ABCC5: variants seen among roughly 807,000 people sequenced by gnomAD.
ABCC5 encodes the protein ATP-binding cassette sub-family C member 5.
Under a neutral mutation model 160.9 loss-of-function variants are expected in ABCC5, and 61 were observed. That is an observed-to-expected ratio of 0.38 (90% CI 0.31 to 0.47). The LOEUF is 0.47. Ranked by LOEUF, ABCC5 falls within the 20% of genes least tolerant of loss-of-function variation. The probability of loss-of-function intolerance (pLI) is 0.99; values close to 1 mark genes in which losing one functional copy is unlikely to be tolerated. For missense variants in ABCC5, 1,308 were observed against 1,813.3 expected (o/e 0.72, Z 5.06); for synonymous variants, 666 against 700.6 (o/e 0.95, Z 0.78).
At chr3:183,941,220 C>T (rs1714309930) in intron 25 of ABCC5, among the ~76,000 whole-genome samples, 1 of 152,130 alleles carries the variant, frequency 6.6e-6, no homozygotes, top group African/African-American at 2.4e-5. Context: ...AGTTGTGGTG[C>T]TTGTTTTGGC....
At chr3:183,959,654 C>T (rs1404098868) in intron 17 of ABCC5, 79 bp downstream of exon 17, 4 of 1,084,430 alleles carry the variant, frequency 3.7e-6, no homozygotes, top group East Asian at 2.4e-5. Context: ...TGCTATCAAA[C>T]ATCATGAATT....
chr3:183,943,634 G>A (rs1714569365), intron 24 of ABCC5, among the ~76,000 whole-genome samples: 2 of 152,102 alleles, frequency 1.3e-5, no homozygotes, highest in African/African-American at 2.4e-5. Context: ...CCTTATGGGG[G>A]GAAGTAAGGG....
chr3:183,944,230 C>T (rs912688342), intron 24 of ABCC5, among the ~76,000 whole-genome samples: 3 of 151,878 alleles, frequency 2.0e-5, no homozygotes, highest in African/African-American at 7.3e-5. Context: ...CCTATCTCTA[C>T]AAAAAATACA....
rs540360588 is a variant in ABCC5 at position 183,957,560 on chromosome 3, G to A, written c.2482+2173C>T. ...CATCACATCAGTTACATGCGGATCC[G>A]TGTGTACATCACATCGGTTACATGC... On this transcript the variant is annotated intron_variant, in intron 17 of 29. Coordinates refer to ENST00000334444, the MANE Select transcript of ABCC5 (RefSeq NM_005688.4). Among the ~76,000 whole-genome samples the A allele has an allele frequency of 9.1e-4, 137 of 151,330 alleles. 1 individual carries two copies. The highest frequency in any genetic ancestry group is 2.5e-4 in the Non-Finnish European group (17 of 67,788).
At chr3:183,931,340 T>G (rs1349305327) in intron 26 of ABCC5, among the ~76,000 whole-genome samples, 4 of 151,436 alleles carry the variant, frequency 2.6e-5, no homozygotes, top group Admixed American at 2.6e-4. Flanking sequence ...TTTTTTTTTT[T>G]TTTTGAGACA....
intron 20 of ABCC5, among the ~76,000 whole-genome samples, chr3:183,950,964 A>G (rs1715287851): frequency 6.6e-6 from 1 of 152,212 alleles, no homozygotes; most frequent in African/African-American, 2.4e-5. Flanking sequence ...TCATTATTCA[A>G]GGAGTGAAAC....
Position 183,988,491 on chromosome 3 carries a change from C to CA in ABCC5, c.443+80dup. The CA allele has an allele frequency of 6.6e-7, 1 of 1,512,942 alleles. No individual in the cohort carries two copies. The highest frequency in any genetic ancestry group is 8.8e-7 in the Non-Finnish European group (1 of 1,131,242). The allele number at this position is 1,512,942 out of a possible 1,614,324, so 93.7% of individuals were successfully genotyped here. ...TGGACAGCTCGGCTCTTTAAAGACACAGAGCTGTGGACTTCACACTCCTAG... is the reference window on the plus strand; with the variant it reads ...TGGACAGCTCGGCTCTTTAAAGACACAAGAGCTGTGGACTTCACACTCCTAG... On this transcript the variant is annotated intron_variant, in intron 4 of 29. Transcript: ENST00000334444. The surrounding 1 kb of genome is among the most constrained non-coding windows in gnomAD (Gnocchi z 4.4).
At chr3:183,944,807 A>G (rs1301303849) in intron 24 of ABCC5, among the ~76,000 whole-genome samples, 2 of 152,154 alleles carry the variant, frequency 1.3e-5, no homozygotes, top group African/African-American at 2.4e-5. Context: ...TCTTCTTCCA[A>G]TGTGGCCCTG....
At chr3:183,936,699 G>A (rs1235120917) in intron 26 of ABCC5, among the ~76,000 whole-genome samples, 3 of 152,102 alleles carry the variant, frequency 2.0e-5, no homozygotes, top group Non-Finnish European at 2.9e-5. Flanking sequence ...TAGTAGAGAC[G>A]GGGTTTCACC....
chr3:183,955,809 T>G (rs1345924617), intron 17 of ABCC5, among the ~76,000 whole-genome samples: 2 of 143,288 alleles, frequency 1.4e-5, no homozygotes, highest in Non-Finnish European at 3.1e-5. Context: ...CATGTGTATA[T>G]CACATCAGTT....
chr3:183,959,920 T>C, intron 16 of ABCC5, 85 bp from the exon 17 acceptor site: 1 of 922,360 alleles, frequency 1.1e-6, no homozygotes, highest in South Asian at 1.7e-5. Context: ...GAATCATCAA[T>C]TAAACTGCTA....
intron 17 of ABCC5, among the ~76,000 whole-genome samples, chr3:183,956,023 C>T (rs1364389227): frequency 7.1e-6 from 1 of 141,756 alleles, no homozygotes; most frequent in Admixed American, 7.3e-5. Context: ...CATGTTCATC[C>T]ATGTGTATAT....
rs536563242 is a variant in ABCC5, at chr3:183,956,902, T to A, written c.2482+2831A>T. ...CATGCAGATCCGTGTGTATATCATATAGGTTACATGCAGATCCGTGTGTAA... is the reference window on the plus strand; with the variant it reads ...CATGCAGATCCGTGTGTATATCATAAAGGTTACATGCAGATCCGTGTGTAA... On this transcript the variant is annotated intron_variant, in intron 17 of 29. Transcript: ENST00000334444. 2.2e-3 allele frequency among the ~76,000 whole-genome samples: 274 copies of A among 123,112 alleles called. 4 individuals carry two copies. The highest frequency in any genetic ancestry group is 8.2e-3 in the African/African-American group (249 of 30,212). The allele number at this position is 123,112 out of a possible 152,430, so 80.8% of individuals were successfully genotyped here. A position where few individuals can be genotyped will look rare whatever the true frequency, so the allele number is the denominator to read the frequency against.
In ABCC5 at chr3:183,943,227, G is replaced by A. The variant is rs373199561; in HGVS notation, c.3505-311C>T. 1.4e-4 allele frequency among the ~76,000 whole-genome samples: 22 copies of A among 152,218 alleles called. No individual in the cohort carries two copies. The East Asian group carries it at 2.5e-3, about 17-fold the overall frequency. On this transcript the variant is annotated intron_variant, in intron 24 of 29. Transcript: ENST00000334444. ...TTGGGGGCCAAAGGAAAACCAACAC[G>A]GGCAGACATGAGGCCTTCCACCCCT...
intron 16 of ABCC5, among the ~76,000 whole-genome samples, chr3:183,961,017 G>A (rs1577536742): frequency 2.0e-5 from 3 of 152,180 alleles, no homozygotes; most frequent in East Asian, 3.9e-4. Flanking sequence ...TCGAATTCCT[G>A]GGCGCAAGCA....
In ABCC5 at chr3:184,017,862, C is replaced by T. The variant is rs1722322313; in HGVS notation, c.-88G>A. On this transcript the variant is annotated 5_prime_UTR_variant, in exon 1 of 30. Transcript: ENST00000334444. The surrounding 1 kb of genome is among the most constrained non-coding windows in gnomAD (Gnocchi z 4.5). ...CCTGCTCCAGGACAACCGCGCCAGC[C>T]GCTCAACCACGCTCCCGAGCATGAG... is the stretch of plus-strand genomic sequence containing the variant. The T allele has an allele frequency of 6.6e-6, 1 of 152,582 alleles. No homozygotes were observed. Among genetic ancestry groups the T allele is most frequent in the African/African-American group, 2.4e-5 (1 of 41,496 alleles). 9.5% of individuals were successfully genotyped at this position (152,582 alleles called of 1,614,324 possible). A position where few individuals can be genotyped will look rare whatever the true frequency, so the allele number is the denominator to read the frequency against.
chr3:183,924,972 A>G (rs1335837132), intron 29 of ABCC5, among the ~76,000 whole-genome samples: 1 of 152,230 alleles, frequency 6.6e-6, no homozygotes, highest in Non-Finnish European at 1.5e-5. Context: ...AAGCTTGGAG[A>G]ATGCAAGATG....
intron 2 of ABCC5, among the ~76,000 whole-genome samples, chr3:184,013,898 AG>A (rs1721967230): frequency 6.6e-6 from 1 of 152,094 alleles, no homozygotes; most frequent in East Asian, 1.9e-4. Context: ...TTTGAGACTG[AG>A]TCTCGCTCTA....
At chr3:183,961,819 G>A (rs1290419515) in intron 15 of ABCC5, among the ~76,000 whole-genome samples, 165 bp from the exon 16 acceptor site, 3 of 152,016 alleles carry the variant, frequency 2.0e-5, no homozygotes, top group Non-Finnish European at 4.4e-5. Flanking sequence ...TTGCTCTGTC[G>A]TTCACGCTGG....
Sources: allele counts gnomAD v4.1 joint callset (sites outside exome capture counted in the v4.1 genomes callset), GRCh38; gene constraint gnomAD v4.1.1; non-coding constraint Gnocchi (gnomAD v3.1); transcripts MANE v1.5; gene names NCBI Gene and HGNC (gene_info 2026-07-23, HGNC 2026-07-21).